RALYL: variants seen among roughly 807,000 people sequenced by gnomAD.
The protein encoded by RALYL is RNA-binding Raly-like protein.
A neutral mutation model predicts 35.1 loss-of-function variants in RALYL; 29 were observed. That is an observed-to-expected ratio of 0.83 (90% CI 0.61 to 1.13). RALYL has a LOEUF of 1.13. Among genes scored for constraint, RALYL ranks in the 50% most tolerant of loss-of-function variants. The pLI, the probability that RALYL is intolerant of heterozygous loss-of-function variation, is 0.00. For missense variants in RALYL, 359 were observed against 360.4 expected (o/e 1.00, Z 0.03); for synonymous variants, 120 against 127.6 (o/e 0.94, Z 0.40).
chr8:84,517,695 G>T (rs1411702065), intron 1 of RALYL, among the ~76,000 whole-genome samples: 1 of 152,106 alleles, frequency 6.6e-6, no homozygotes, highest in Non-Finnish European at 1.5e-5. Flanking sequence ...AACGTCCTTG[G>T]ATAAACTCAA....
chr8:84,856,800 G>A (rs367862750), intron 5 of RALYL, among the ~76,000 whole-genome samples: 2 of 151,090 alleles, frequency 1.3e-5, no homozygotes, highest in African/African-American at 2.4e-5. Context: ...AGGCCGAGGC[G>A]GGTGGATCAT....
intron 2 of RALYL, chr8:84,665,628 T>C (rs1831857211): frequency 6.6e-6 from 1 of 152,138 alleles, no homozygotes; most frequent in African/African-American, 2.4e-5. Flanking sequence ...TGGTTGTTTG[T>C]ATTTCTGTGG....
At chr8:84,213,070 G>C (rs1819897046) in intron 1 of RALYL, among the ~76,000 whole-genome samples, 1 of 152,018 alleles carries the variant, frequency 6.6e-6, no homozygotes, top group Admixed American at 6.6e-5. Flanking sequence ...AGATACAATA[G>C]ATAACTGTCT....
intron 2 of RALYL, among the ~76,000 whole-genome samples, chr8:84,691,913 G>A (rs1171241766): frequency 1.3e-5 from 2 of 151,754 alleles, no homozygotes; most frequent in African/African-American, 4.8e-5. Flanking sequence ...GATCACATTG[G>A]GTTTATTCTA....
At chr8:84,482,281 G>GT (rs1404545785) in intron 1 of RALYL, among the ~76,000 whole-genome samples, 2 of 152,000 alleles carry the variant, frequency 1.3e-5, no homozygotes, top group African/African-American at 4.8e-5. Context: ...TAGTGAAAAA[G>GT]TATCCTGTGT....
At position 84,850,021 on chromosome 8, in the gene RALYL, A is replaced by G; in HGVS notation, c.407A>G (p.Tyr136Cys). ...FDYDYYRDDFYNRLFDYHGRV... is the reference protein window; with the variant it reads ...FDYDYYRDDFCNRLFDYHGRV... Reference sequence around the variant, plus strand: ...TATGATTACTACAGAGATGATTTCTACAATCGGTATGTGAATTTTTCATCC... The same window carrying G: ...TATGATTACTACAGAGATGATTTCTGCAATCGGTATGTGAATTTTTCATCC... The change falls in exon 5 of 9, where the codon TAC (tyrosine) becomes TGC (cysteine). Residue 136 changes from tyrosine (Y) to cysteine (C), a missense_variant. Transcript: ENST00000521268. The G allele has an allele frequency of 6.8e-7, 1 of 1,476,424 alleles. No homozygotes were observed. The highest frequency in any genetic ancestry group is 9.0e-7 in the Non-Finnish European group (1 of 1,106,892). The allele number at this position is 1,476,424 out of a possible 1,614,324, so 91.5% of individuals were successfully genotyped here. A position where few individuals can be genotyped will look rare whatever the true frequency, so the allele number is the denominator to read the frequency against.
At chr8:84,344,439 G>A (rs1849433485) in intron 1 of RALYL, among the ~76,000 whole-genome samples, 1 of 151,978 alleles carries the variant, frequency 6.6e-6, no homozygotes, top group African/African-American at 2.4e-5. Flanking sequence ...AGTCTGTTGG[G>A]GAAGGTGTAG....
intron 2 of RALYL, among the ~76,000 whole-genome samples, chr8:84,544,706 C>T (rs2060239974): frequency 6.6e-6 from 1 of 151,998 alleles, no homozygotes; most frequent in South Asian, 2.1e-4. Context: ...GAACATATTA[C>T]ATTTTGCCAG....
At chr8:84,203,993 G>C (rs1563526357) in intron 1 of RALYL, among the ~76,000 whole-genome samples, 1 of 152,020 alleles carries the variant, frequency 6.6e-6, no homozygotes, top group Non-Finnish European at 1.5e-5. Context: ...AAATGTATGT[G>C]TGTGTGTGTA....
At chr8:84,779,303 A>G (rs149839783) in intron 3 of RALYL, among the ~76,000 whole-genome samples, 32 of 152,344 alleles carry the variant, frequency 2.1e-4, no homozygotes, top group African/African-American at 7.5e-4. Context: ...TTCTATTTGT[A>G]AAGTAGACAG....
chr8:84,732,765 T>C (rs1846484509), intron 2 of RALYL, among the ~76,000 whole-genome samples: 1 of 151,168 alleles, frequency 6.6e-6, no homozygotes, highest in Non-Finnish European at 1.5e-5. Flanking sequence ...GGCGCTATCT[T>C]GGCTCACTGC....
intron 2 of RALYL, among the ~76,000 whole-genome samples, chr8:84,596,973 C>CA (rs200330223): frequency 5.8e-4 from 87 of 151,054 alleles, no homozygotes; most frequent in Admixed American, 2.7e-3. Flanking sequence ...GTTTAGGTGA[C>CA]AAAAAAAATG....
At chr8:84,794,768 A>G (rs936044786) in intron 3 of RALYL, among the ~76,000 whole-genome samples, 2 of 152,204 alleles carry the variant, frequency 1.3e-5, no homozygotes, top group Non-Finnish European at 2.9e-5. Context: ...AGAATCTGCC[A>G]GTGGTTAATG....
intron 2 of RALYL, among the ~76,000 whole-genome samples, chr8:84,700,669 T>C (rs572399521): frequency 2.0e-4 from 30 of 152,298 alleles, no homozygotes; most frequent in Admixed American, 5.2e-4. Context: ...AAATGAGGTG[T>C]TGAATGAAAT....
intron 1 of RALYL, among the ~76,000 whole-genome samples, chr8:84,436,552 T>G (rs1353809327): frequency 6.8e-6 from 1 of 146,784 alleles, no homozygotes; most frequent in East Asian, 2.0e-4. Flanking sequence ...AGTTTTTTTT[T>G]TTTTTTTTTT....
intron 1 of RALYL, among the ~76,000 whole-genome samples, chr8:84,339,824 T>C (rs2130861883): frequency 6.6e-6 from 1 of 152,204 alleles, no homozygotes; most frequent in Admixed American, 6.5e-5. Context: ...TAGTACGAAA[T>C]CTAGTGCTTC....
At chr8:84,582,929 T>A (rs1484516072) in intron 2 of RALYL, among the ~76,000 whole-genome samples, 1 of 151,872 alleles carries the variant, frequency 6.6e-6, no homozygotes, top group East Asian at 1.9e-4. Context: ...TTAGATATAG[T>A]TTGGGATGCT....
chr8:84,411,428 C>T (rs577342211), intron 1 of RALYL, among the ~76,000 whole-genome samples: 2 of 152,014 alleles, frequency 1.3e-5, no homozygotes, highest in East Asian at 3.9e-4. Context: ...CATACTGCTT[C>T]TATTCCCTCT....
intron 2 of RALYL, among the ~76,000 whole-genome samples, chr8:84,568,237 C>G (rs1431809048): frequency 7.9e-6 from 1 of 127,260 alleles, no homozygotes; most frequent in Admixed American, 9.6e-5. Flanking sequence ...GTGTGATGTT[C>G]CCCTTCCTGT....
Sources: allele counts gnomAD v4.1 joint callset (sites outside exome capture counted in the v4.1 genomes callset), GRCh38; gene constraint gnomAD v4.1.1; transcripts MANE v1.5; gene names NCBI Gene and HGNC (gene_info 2026-07-23, HGNC 2026-07-21).